Variants in LRP1B observed in about 807,000 individuals in gnomAD.
LRP1B encodes LDL receptor related protein 1B, also known as low-density lipoprotein receptor-related protein 1B.
Under a neutral mutation model 556.6 loss-of-function variants are expected in LRP1B, and 217 were observed. The ratio of observed to expected loss-of-function variants is 0.39; its 90% CI spans 0.35 to 0.44. The LOEUF (loss-of-function observed/expected upper bound fraction) is 0.44, where lower values mean the gene tolerates loss of function less well. Ranked by LOEUF, LRP1B falls within the 20% of genes least tolerant of loss-of-function variation. The pLI is 1.00. For synonymous variants in LRP1B, 2,047 were observed against 1,865.8 expected, an observed-to-expected ratio of 1.10 and a Z score of -2.50; for missense variants, 5,053 against 5,620.8, an observed-to-expected ratio of 0.90 and a Z score of 3.23.
intron 20 of LRP1B, 37 bp from the exon 21 acceptor site, chr2:140,923,184 G>A (rs368485045): frequency 3.0e-5 from 44 of 1,490,434 alleles, no homozygotes; most frequent in Non-Finnish European, 3.6e-5. Context: ...GCAGAGGGGG[G>A]CAAGACAGGA....
chr2:140,897,006 C>A (rs1693973310), intron 23 of LRP1B, among the ~76,000 whole-genome samples: 1 of 152,034 alleles, frequency 6.6e-6, no homozygotes, highest in Admixed American at 6.6e-5. Flanking sequence ...AAGGGGTGAA[C>A]AAAATACAGA....
chr2:141,659,757 T>A, intron 2 of LRP1B, among the ~76,000 whole-genome samples: 1 of 152,222 alleles, frequency 6.6e-6, no homozygotes, highest in African/African-American at 2.4e-5. Flanking sequence ...AGGGATCAAT[T>A]TACCTTTCTG....
At chr2:141,371,333 G>A (rs1016873100) in intron 3 of LRP1B, among the ~76,000 whole-genome samples, 1 of 152,080 alleles carries the variant, frequency 6.6e-6, no homozygotes, top group African/African-American at 2.4e-5. Context: ...TGTTCATTTT[G>A]ATTAGGGTTG....
chr2:141,922,696 G>A (rs1021618013), intron 1 of LRP1B, among the ~76,000 whole-genome samples: 1 of 152,104 alleles, frequency 6.6e-6, no homozygotes, highest in African/African-American at 2.4e-5. Flanking sequence ...CAGCTATAGA[G>A]GCAGTAAGGG....
At chr2:141,108,940 G>A (rs1044221521) in intron 7 of LRP1B, among the ~76,000 whole-genome samples, 3 of 152,168 alleles carry the variant, frequency 2.0e-5, no homozygotes, top group African/African-American at 7.2e-5. Context: ...TTAGGAGTAT[G>A]ATGGGAACCT....
At position 140,903,293 on chromosome 2, in the gene LRP1B, CTT is replaced by C. The variant is rs1694156593; in HGVS notation, c.3521-130_3521-129del. The C allele has an allele frequency of 1.3e-5, 14 of 1,100,284 alleles. No homozygotes were observed. In the East Asian group the frequency reaches 3.6e-4, roughly 28 times the overall value. 68.2% of individuals were successfully genotyped at this position (1,100,284 alleles called of 1,614,324 possible). A position where few individuals can be genotyped will look rare whatever the true frequency, so the allele number is the denominator to read the frequency against. On this transcript the variant is annotated intron_variant, in intron 22 of 90. Transcript: ENST00000389484. ...CTACAAATGAATATAAGAAAGCCCT[CTT>C]TGGCTTATTTTTGCTTCAGGGGTTG...
intron 2 of LRP1B, among the ~76,000 whole-genome samples, chr2:141,686,402 C>T (rs1691304669): frequency 6.6e-6 from 1 of 151,934 alleles, no homozygotes; most frequent in Non-Finnish European, 1.5e-5. Flanking sequence ...CCCTATGTCC[C>T]TGAGATTGCT....
At chr2:140,907,132 C>T (rs1309619365) in intron 22 of LRP1B, among the ~76,000 whole-genome samples, 2 of 152,038 alleles carry the variant, frequency 1.3e-5, no homozygotes, top group Admixed American at 6.6e-5. Context: ...CTCAAGTCAT[C>T]TCATTATTGT....
At chr2:141,316,583 T>G (rs374364276) in intron 3 of LRP1B, among the ~76,000 whole-genome samples, 5 of 152,186 alleles carry the variant, frequency 3.3e-5, no homozygotes, top group Admixed American at 6.5e-5. Context: ...AGTTTCTGTT[T>G]TATAAATCTC....
At chr2:140,357,886 G>T in intron 74 of LRP1B, 93 bp downstream of exon 74, 1 of 1,408,360 alleles carries the variant, frequency 7.1e-7, no homozygotes, top group South Asian at 1.4e-5. Context: ...ATACTTTGAA[G>T]AGCAATATTT....
At chr2:140,683,679 G>T (rs1320590649) in intron 41 of LRP1B, 7 of 704,178 alleles carry the variant, frequency 9.9e-6, no homozygotes, top group Admixed American at 1.9e-5. Flanking sequence ...CTTCAGAATG[G>T]GTGCCTTCAC....
intron 66 of LRP1B, among the ~76,000 whole-genome samples, chr2:140,411,538 T>A (rs1286544769): frequency 6.6e-6 from 1 of 152,106 alleles, no homozygotes; most frequent in Non-Finnish European, 1.5e-5. Context: ...TTTCTAAATT[T>A]AAGATTTAGA....
At chr2:140,717,787 T>C (rs1687264512) in intron 35 of LRP1B, among the ~76,000 whole-genome samples, 2 of 152,110 alleles carry the variant, frequency 1.3e-5, no homozygotes, top group African/African-American at 4.8e-5. Context: ...ATTAGTATAA[T>C]AAAGCCATTT....
chr2:141,071,690 A>G (rs1421542788), intron 7 of LRP1B, among the ~76,000 whole-genome samples: 4 of 152,180 alleles, frequency 2.6e-5, no homozygotes, highest in African/African-American at 9.6e-5. Flanking sequence ...AAAAAGCACA[A>G]GCATTCTTAT....
At chr2:140,690,363 C>T (rs1297059224) in intron 41 of LRP1B, among the ~76,000 whole-genome samples, 3 of 150,576 alleles carry the variant, frequency 2.0e-5, no homozygotes, top group South Asian at 2.1e-4. Context: ...ACCTCTTCTT[C>T]GGGTCTTTAC....
At chr2:141,322,702 G>C (rs906599273) in intron 3 of LRP1B, among the ~76,000 whole-genome samples, 7 of 151,792 alleles carry the variant, frequency 4.6e-5, no homozygotes, top group Admixed American at 2.0e-4. Flanking sequence ...CCACGATCTG[G>C]GTAAATTTAC....
intron 7 of LRP1B, among the ~76,000 whole-genome samples, chr2:141,072,430 G>C (rs577781874): frequency 2.6e-5 from 4 of 152,012 alleles, no homozygotes; most frequent in Admixed American, 1.3e-4. Flanking sequence ...TTTATTCTTT[G>C]TTTCCTTGGC....
chr2:141,408,209 C>T (rs1690710311), intron 3 of LRP1B, among the ~76,000 whole-genome samples: 1 of 136,896 alleles, frequency 7.3e-6, no homozygotes, highest in Admixed American at 8.4e-5. Context: ...GTGGCATGAT[C>T]TCGGCTCACT....
intron 6 of LRP1B, among the ~76,000 whole-genome samples, chr2:141,200,403 G>A (rs1369445931): frequency 1.3e-5 from 2 of 152,128 alleles, no homozygotes; most frequent in African/African-American, 4.8e-5. Context: ...GTGTGGGGGA[G>A]AGCAACAGGA....
Sources: gnomAD v4.1 joint callset for allele counts (sites outside exome capture counted in the v4.1 genomes callset) on GRCh38, gnomAD v4.1.1 for gene constraint, MANE v1.5 for transcripts, NCBI Gene and HGNC (gene_info 2026-07-23, HGNC 2026-07-21) for gene names.